HPSE2: variants seen among roughly 807,000 people sequenced by gnomAD.
HPSE2 encodes the protein inactive heparanase-2.
Under a neutral mutation model 60.5 loss-of-function variants are expected in HPSE2, and 38 were observed. The ratio of observed to expected loss-of-function variants is 0.63; its 90% CI spans 0.48 to 0.82. The LOEUF (loss-of-function observed/expected upper bound fraction) is 0.82, where lower values mean the gene tolerates loss of function less well. HPSE2 is among the 40% of genes least tolerant of loss of function. The pLI, the probability that HPSE2 is intolerant of heterozygous loss-of-function variation, is 0.00. For missense variants in HPSE2, 713 were observed against 740.4 expected, an observed-to-expected ratio of 0.96 and a Z score of 0.43; for synonymous variants, 295 against 293.2, an observed-to-expected ratio of 1.01 and a Z score of -0.06.
At chr10:98,830,107 CTCAT>C (rs1162255320) in intron 3 of HPSE2, among the ~76,000 whole-genome samples, 1 of 152,118 alleles carries the variant, frequency 6.6e-6, no homozygotes, top group Admixed American at 6.5e-5. Flanking sequence ...CATTCACTCA[CTCAT>C]TCATTCATTT....
intron 3 of HPSE2, among the ~76,000 whole-genome samples, chr10:98,837,578 T>C (rs561863015): frequency 2.6e-5 from 4 of 152,204 alleles, no homozygotes; most frequent in African/African-American, 9.6e-5. Flanking sequence ...CTAAGAGGAA[T>C]ACAAAGAAAC....
chr10:98,971,679 T>G (rs865962144), intron 3 of HPSE2, among the ~76,000 whole-genome samples: 1 of 152,204 alleles, frequency 6.6e-6, no homozygotes, highest in Non-Finnish European at 1.5e-5. Context: ...CATTACATTT[T>G]ATCTATGCAT....
intron 9 of HPSE2, among the ~76,000 whole-genome samples, chr10:98,573,180 T>G (rs1944547537): frequency 6.6e-6 from 1 of 152,224 alleles, no homozygotes; most frequent in African/African-American, 2.4e-5. Flanking sequence ...TAGTATATAC[T>G]AGGCATTCAA....
intron 5 of HPSE2, among the ~76,000 whole-genome samples, chr10:98,708,575 C>T (rs1296393760): frequency 6.6e-6 from 1 of 152,058 alleles, no homozygotes; most frequent in African/African-American, 2.4e-5. Flanking sequence ...TGAGGAAACA[C>T]CATTATTAAG....
At chr10:98,588,283 A>C (rs975322453) in intron 9 of HPSE2, among the ~76,000 whole-genome samples, 1 of 152,066 alleles carries the variant, frequency 6.6e-6, no homozygotes, top group Non-Finnish European at 1.5e-5. Flanking sequence ...GACCAGGGCC[A>C]GGACATTGCC....
chr10:98,994,449 T>C (rs1339486512), intron 3 of HPSE2, among the ~76,000 whole-genome samples: 2 of 151,402 alleles, frequency 1.3e-5, no homozygotes, highest in African/African-American at 4.9e-5. Context: ...TCCTTGGGCC[T>C]GCAACCAGGG....
intron 6 of HPSE2, among the ~76,000 whole-genome samples, chr10:98,673,202 A>G (rs1029500712): frequency 1.3e-5 from 2 of 152,200 alleles, no homozygotes; most frequent in African/African-American, 4.8e-5. Context: ...CCAAAAGTCA[A>G]ACATCTACAT....
chr10:98,869,693 A>G (rs1015683587), intron 3 of HPSE2, among the ~76,000 whole-genome samples: 7 of 152,186 alleles, frequency 4.6e-5, no homozygotes, highest in Non-Finnish European at 1.0e-4. Context: ...GGGAGAACCA[A>G]TGGTGGCAAA....
intron 9 of HPSE2, among the ~76,000 whole-genome samples, chr10:98,517,374 C>T (rs2133762542): frequency 6.6e-6 from 1 of 152,270 alleles, no homozygotes; most frequent in Non-Finnish European, 1.5e-5. Context: ...TCCCATCCCA[C>T]CCCTTCATTT....
At chr10:98,953,231 C>T (rs369080953) in intron 3 of HPSE2, among the ~76,000 whole-genome samples, 16 of 152,272 alleles carry the variant, frequency 1.1e-4, no homozygotes, top group African/African-American at 3.6e-4. Flanking sequence ...GTAAGATTTC[C>T]GTGAGAGCTG....
chr10:98,795,782 T>C (rs535496940), intron 3 of HPSE2, among the ~76,000 whole-genome samples: 2 of 152,350 alleles, frequency 1.3e-5, no homozygotes, highest in East Asian at 1.9e-4. Context: ...CTTCTACTTA[T>C]ACAGAGGAGA....
the HPSE2 span, among the ~76,000 whole-genome samples, chr10:99,303,175 A>T: frequency 6.6e-6 from 1 of 152,158 alleles, no homozygotes; most frequent in East Asian, 1.9e-4. Flanking sequence ...AACGCAGCAA[A>T]AGCTCATATT....
rs138626359 is a variant in HPSE2 at position 99,010,229 on chromosome 10, A to C, written c.610+134009T>G. Among the ~76,000 whole-genome samples the C allele has an allele frequency of 3.0e-3, 458 of 152,312 alleles. 4 individuals carry two copies. Among genetic ancestry groups the C allele is most frequent in the East Asian group, 0.012 (64 of 5,192 alleles). On this transcript the variant is annotated intron_variant, in intron 3 of 11. Transcript: ENST00000370552. ...GACCTGAAGTAAATTAAATGTGTTT[A>C]TTTTCTATTTTTTTATCTTTGAAAA... is the stretch of plus-strand genomic sequence containing the variant.
At chr10:99,170,353 C>T (rs1243454553) in intron 2 of HPSE2, among the ~76,000 whole-genome samples, 1 of 152,194 alleles carries the variant, frequency 6.6e-6, no homozygotes, top group Non-Finnish European at 1.5e-5. Context: ...ATATTCAAGT[C>T]TGCTCCAGCT....
At chr10:99,144,138 TA>T (rs1356351570) in intron 3 of HPSE2, 99 bp downstream of exon 3, 2 of 1,137,976 alleles carry the variant, frequency 1.8e-6, no homozygotes, top group Non-Finnish European at 2.6e-6. Context: ...CATCACAATT[TA>T]AAAAGTGATA....
chr10:98,547,489 G>A (rs1490678005), intron 9 of HPSE2, among the ~76,000 whole-genome samples: 3 of 149,638 alleles, frequency 2.0e-5, no homozygotes, highest in Admixed American at 6.7e-5. Context: ...AAAATGATGA[G>A]TTCATGTCCT....
chr10:98,668,991 T>C (rs747496704), intron 6 of HPSE2, among the ~76,000 whole-genome samples: 1 of 152,092 alleles, frequency 6.6e-6, no homozygotes, highest in African/African-American at 2.4e-5. Context: ...AAAGTATGTA[T>C]TCAATAAAGG....
chr10:98,973,548 T>G (rs938919000), intron 3 of HPSE2, among the ~76,000 whole-genome samples: 1 of 152,208 alleles, frequency 6.6e-6, no homozygotes, highest in African/African-American at 2.4e-5. Flanking sequence ...ATACTGAAGA[T>G]GCTGCCTCCA....
intron 3 of HPSE2, among the ~76,000 whole-genome samples, chr10:98,937,489 A>G (rs1954839436): frequency 6.9e-6 from 1 of 144,202 alleles, no homozygotes; most frequent in Admixed American, 6.9e-5. Flanking sequence ...GATTGCTAGC[A>G]CAGCAGTCTG....
Sources: gnomAD v4.1 joint callset for allele counts (sites outside exome capture counted in the v4.1 genomes callset) on GRCh38, gnomAD v4.1.1 for gene constraint, MANE v1.5 for transcripts, NCBI Gene and HGNC (gene_info 2026-07-23, HGNC 2026-07-21) for gene names.